ST6GALNAC3: variants seen among roughly 807,000 people sequenced by gnomAD.
ST6GALNAC3 encodes the protein alpha-N-acetylgalactosaminide alpha-2,6-sialyltransferase 3.
In ST6GALNAC3, 25 loss-of-function variants were observed where a neutral mutation model predicts 32.7. The observed-to-expected ratio is 0.76, with a 90% CI of 0.56 to 1.07. The LOEUF (loss-of-function observed/expected upper bound fraction) is 1.07. ST6GALNAC3 is among the 50% of genes least tolerant of loss of function. The pLI is 0.00. For missense variants in ST6GALNAC3, 355 were observed against 382.4 expected (o/e 0.93, Z 0.60); for synonymous variants, 129 against 133.1 (o/e 0.97, Z 0.21).
At position 76,113,388 on chromosome 1, in the gene ST6GALNAC3, T is replaced by C. The variant is rs536943577; in HGVS notation, c.18+38504T>C. On this transcript the variant is annotated intron_variant, in intron 1 of 4. Coordinates refer to ENST00000328299, the MANE Select transcript of ST6GALNAC3 (RefSeq NM_152996.4). ...AGGGGGAGGCCAAATGGCATTGTTA[T>C]GGGGTCTTATCTGCAAACGCAGAAC... Among the ~76,000 whole-genome samples, 8 of 151,888 alleles carry C rather than the reference T, an allele frequency of 5.3e-5. No individual in the cohort carries two copies. The East Asian group carries it at 1.2e-3, about 22-fold the overall frequency.
chr1:76,395,590 G>GAC (rs1203038128), intron 2 of ST6GALNAC3, among the ~76,000 whole-genome samples: 1 of 151,414 alleles, frequency 6.6e-6, no homozygotes, highest in African/African-American at 2.4e-5. Flanking sequence ...CACACACACA[G>GAC]ACACACACGC....
intron 1 of ST6GALNAC3, among the ~76,000 whole-genome samples, chr1:76,242,158 A>G (rs537595350): frequency 3.5e-4 from 53 of 152,264 alleles, no homozygotes; most frequent in Middle Eastern, 3.4e-3. Flanking sequence ...CACAGGCTAT[A>G]TGGCTTTGGA....
At chr1:76,599,494 C>T (rs1305007603) in intron 3 of ST6GALNAC3, among the ~76,000 whole-genome samples, 2 of 151,002 alleles carry the variant, frequency 1.3e-5, no homozygotes, top group Non-Finnish European at 2.9e-5. Context: ...TTCCCCGTGT[C>T]CATGTGTTCT....
At chr1:76,331,922 T>C (rs1457012331) in intron 2 of ST6GALNAC3, among the ~76,000 whole-genome samples, 3 of 152,234 alleles carry the variant, frequency 2.0e-5, no homozygotes, top group Non-Finnish European at 4.4e-5. Context: ...AAATATCTCA[T>C]GAATTTTTCT....
rs548424634 is a variant in ST6GALNAC3 at position 76,377,018 on chromosome 1, G to A, written c.214-34990G>A. On this transcript the variant is annotated intron_variant, in intron 2 of 4. Transcript: ENST00000328299. ...TTGGGCTACTTTGTCTTACCTACAA[G>A]TTAAATTTAAAAATAAATAAAACTA... 9.2e-5 allele frequency among the ~76,000 whole-genome samples: 14 copies of A among 152,072 alleles called. 1 individual carries two copies. Among genetic ancestry groups the A allele is most frequent in the Non-Finnish European group, 1.6e-4 (11 of 67,992 alleles).
intron 1 of ST6GALNAC3, among the ~76,000 whole-genome samples, chr1:76,141,556 ACTAAAGCTTGC>A (rs1650323235): frequency 6.6e-6 from 1 of 152,230 alleles, no homozygotes; most frequent in Admixed American, 6.5e-5. Context: ...AAAGTGAAAG[ACTAAAGCTTGC>A]CTTTTCTATA....
chr1:76,503,366 G>A (rs1013453861), intron 3 of ST6GALNAC3, among the ~76,000 whole-genome samples: 8 of 152,214 alleles, frequency 5.3e-5, no homozygotes, highest in Non-Finnish European at 1.2e-4. Context: ...GCCCACTGGG[G>A]CCTGCTCATT....
intron 3 of ST6GALNAC3, among the ~76,000 whole-genome samples, chr1:76,415,714 A>G (rs1350575517): frequency 6.6e-6 from 1 of 152,102 alleles, no homozygotes; most frequent in Non-Finnish European, 1.5e-5. Flanking sequence ...ACCTGGATTC[A>G]GACATTTCTG....
intron 2 of ST6GALNAC3, among the ~76,000 whole-genome samples, chr1:76,386,855 T>C (rs1471521377): frequency 1.3e-5 from 2 of 152,200 alleles, no homozygotes; most frequent in Non-Finnish European, 2.9e-5. Context: ...TTTTCAGATA[T>C]GATAGATGGC....
intron 1 of ST6GALNAC3, among the ~76,000 whole-genome samples, chr1:76,200,894 T>C (rs1452382902): frequency 3.9e-5 from 6 of 152,028 alleles, no homozygotes; most frequent in Non-Finnish European, 7.4e-5. Context: ...CAGAAACGCC[T>C]CTGAGATACA....
At chr1:76,603,543 G>A (rs2574775) in intron 3 of ST6GALNAC3, among the ~76,000 whole-genome samples, 26,364 of 152,120 alleles carry the variant, frequency 0.17, 2,437 homozygotes, top group Middle Eastern at 0.25. Context: ...TCATGGACAC[G>A]TACATGCACA....
intron 1 of ST6GALNAC3, among the ~76,000 whole-genome samples, chr1:76,268,345 T>G (rs1458432693): frequency 6.6e-6 from 1 of 152,204 alleles, no homozygotes; most frequent in Non-Finnish European, 1.5e-5. Context: ...TGCCAGAATT[T>G]GTCTTGATGA....
chr1:76,180,292 A>G (rs926325086), intron 1 of ST6GALNAC3, among the ~76,000 whole-genome samples: 6 of 152,240 alleles, frequency 3.9e-5, no homozygotes, highest in East Asian at 1.9e-4. Context: ...AATGTTAAAA[A>G]TAAAGGTAAC....
chr1:76,577,338 G>T, intron 3 of ST6GALNAC3: 3 of 987,174 alleles, frequency 3.0e-6, no homozygotes, highest in Non-Finnish European at 3.6e-6. Context: ...TTTCTGCTTG[G>T]AAGGTAACCT....
chr1:76,234,937 C>T lies in ST6GALNAC3; in HGVS notation c.19-78868C>T, dbSNP rs546779980. On this transcript the variant is annotated intron_variant, in intron 1 of 4. Transcript: ENST00000328299. Reference sequence around the variant, plus strand: ...CTCTACCTAGATAATCAGATGCTAACATTACCTTTTTCCCAAATATAGTCC... The same window carrying T: ...CTCTACCTAGATAATCAGATGCTAATATTACCTTTTTCCCAAATATAGTCC... Among the ~76,000 whole-genome samples, 11 of 152,264 alleles carry T rather than the reference C, an allele frequency of 7.2e-5. No homozygotes were observed. The South Asian group carries it at 2.3e-3, about 32-fold the overall frequency.
rs1048122866 is a variant in ST6GALNAC3 at position 76,170,012 on chromosome 1, A to AT, written c.18+95138dup. Reference sequence around the variant, plus strand: ...AATCTTTGAGGTTGCTGACCTTCAGATTTTTTTTTTATCCTATTTGATTAT... The same window carrying AT: ...AATCTTTGAGGTTGCTGACCTTCAGATTTTTTTTTTTATCCTATTTGATTAT... On this transcript the variant is annotated intron_variant, in intron 1 of 4. Transcript: ENST00000328299. Among the ~76,000 whole-genome samples, 513 of 149,398 alleles carry AT rather than the reference A, an allele frequency of 3.4e-3. 1 individual carries two copies. Among genetic ancestry groups the AT allele is most frequent in the Admixed American group, 0.013 (195 of 14,960 alleles).
rs963330644 is a variant in ST6GALNAC3, at chr1:76,242,866, T to A, written c.19-70939T>A. 2.6e-5 allele frequency among the ~76,000 whole-genome samples: 4 copies of A among 152,338 alleles called. No homozygotes were observed. In the South Asian group the frequency reaches 8.3e-4, roughly 32 times the overall value. On this transcript the variant is annotated intron_variant, in intron 1 of 4. Transcript: ENST00000328299. ...ATCCATTCCATCATCAGTGGGCATT[T>A]GGGTTGGTTCCAAGAATTTGCTATT...
At chr1:76,567,042 C>A (rs1187690647) in intron 3 of ST6GALNAC3, among the ~76,000 whole-genome samples, 1 of 151,520 alleles carries the variant, frequency 6.6e-6, no homozygotes, top group Non-Finnish European at 1.5e-5. Context: ...AGAATGAGGA[C>A]AGGGAAGGAG....
intron 1 of ST6GALNAC3, among the ~76,000 whole-genome samples, chr1:76,252,612 T>C (rs77916992): frequency 8.5e-5 from 13 of 152,100 alleles, no homozygotes; most frequent in Admixed American, 8.5e-4. Context: ...CTATGAGTAC[T>C]GAGAGAGATG....
Sources: allele counts gnomAD v4.1 joint callset (sites outside exome capture counted in the v4.1 genomes callset), GRCh38; gene constraint gnomAD v4.1.1; transcripts MANE v1.5; gene names NCBI Gene and HGNC (gene_info 2026-07-23, HGNC 2026-07-21).